The following ZBTB16 variants were observed in gnomAD, a reference collection of about 807,000 sequenced individuals.
ZBTB16 encodes zinc finger and BTB domain-containing protein 16.
A neutral mutation model predicts 56.8 loss-of-function variants in ZBTB16; 8 were observed. The observed-to-expected ratio is 0.14, with a 90% CI of 0.08 to 0.25. The LOEUF is 0.25. Among genes scored for constraint, ZBTB16 ranks in the 10% least tolerant of loss-of-function variants. The probability of loss-of-function intolerance (pLI) is 1.00; values close to 1 mark genes in which losing one functional copy is unlikely to be tolerated. For synonymous variants in ZBTB16, 363 were observed against 368.5 expected, an observed-to-expected ratio of 0.98 and a Z score of 0.17; for missense variants, 625 against 903.0, an observed-to-expected ratio of 0.69 and a Z score of 3.95.
intron 2 of ZBTB16, among the ~76,000 whole-genome samples, chr11:114,097,007 A>G (rs1005575938): frequency 6.6e-6 from 1 of 152,242 alleles, no homozygotes; most frequent in Non-Finnish European, 1.5e-5. Flanking sequence ...CCATGTTCAT[A>G]GCAGCATTAG....
intron 2 of ZBTB16, among the ~76,000 whole-genome samples, chr11:114,091,262 T>C (rs1381097145): frequency 1.3e-5 from 2 of 152,116 alleles, no homozygotes; most frequent in East Asian, 3.9e-4. Flanking sequence ...GCACGAGAAG[T>C]GCTTGAACCT....
intron 4 of ZBTB16, among the ~76,000 whole-genome samples, chr11:114,192,775 T>A (rs1035803927): frequency 3.3e-5 from 5 of 152,224 alleles, no homozygotes; most frequent in African/African-American, 1.2e-4. Context: ...CCAGCCATTT[T>A]CTTATTGCTA....
At chr11:114,155,982 G>A (rs1942398281) in intron 2 of ZBTB16, among the ~76,000 whole-genome samples, 1 of 152,270 alleles carries the variant, frequency 6.6e-6, no homozygotes, top group East Asian at 1.9e-4. Flanking sequence ...AGAGGCTGTG[G>A]GCCTCCTGTG....
intron 3 of ZBTB16, among the ~76,000 whole-genome samples, chr11:114,177,376 G>A (rs548130917): frequency 6.6e-6 from 1 of 152,192 alleles, no homozygotes; most frequent in African/African-American, 2.4e-5. Context: ...CCAGGCTCCC[G>A]AGTAGCTGGG....
At chr11:114,122,983 T>G (rs1023567844) in intron 2 of ZBTB16, among the ~76,000 whole-genome samples, 5 of 152,146 alleles carry the variant, frequency 3.3e-5, no homozygotes, top group Non-Finnish European at 7.3e-5. Context: ...AAGATTAAAG[T>G]GGTAGCAGAT....
In ZBTB16 at chr11:114,251,700, C is replaced by T. The variant is rs1448622165; in HGVS notation, c.*1145C>T. On this transcript the variant is annotated 3_prime_UTR_variant, in exon 7 of 7. Transcript: ENST00000335953. The stretch of plus-strand genomic sequence containing the variant: ...AAGAAAAGCCAGGTCCAGAGAGAGT[C>T]GCACAGAATTCCTGACTCACAGCGC... 2.0e-5 allele frequency among the ~76,000 whole-genome samples: 3 copies of T among 152,144 alleles called. No homozygotes were observed. Among genetic ancestry groups the T allele is most frequent in the Admixed American group, 1.3e-4 (2 of 15,270 alleles).
chr11:114,148,431 C>CTGTCTGTCTG (rs1942185226), intron 2 of ZBTB16, among the ~76,000 whole-genome samples: 1 of 69,858 alleles, frequency 1.4e-5, no homozygotes, highest in African/African-American at 6.3e-5. Context: ...CTCCCTCTCT[C>CTGTCTGTCTG]TCTCTTTCTC....
chr11:114,201,644 G>T (rs530483681), intron 4 of ZBTB16, among the ~76,000 whole-genome samples: 11 of 152,292 alleles, frequency 7.2e-5, no homozygotes, highest in Admixed American at 2.0e-4. Flanking sequence ...GGTATGGAAA[G>T]ATGTCCATGA....
intron 4 of ZBTB16, chr11:114,189,324 A>T (rs1943437352): frequency 6.6e-6 from 1 of 152,250 alleles, no homozygotes; most frequent in Non-Finnish European, 1.5e-5. Flanking sequence ...GCACATGAAA[A>T]AGATGCTCAA....
At position 114,255,243 on chromosome 11, in the gene ZBTB16, C is replaced by A. The variant is rs989763923; in HGVS notation, c.*4688C>A. On this transcript the variant is annotated 3_prime_UTR_variant, in exon 7 of 7. Transcript: ENST00000335953. ...TTTGTTTTTGTGGCTTGTCTTATGTCGTGATAGCACAAGTGCCAGTCGGAT... is the reference window on the plus strand; with the variant it reads ...TTTGTTTTTGTGGCTTGTCTTATGTAGTGATAGCACAAGTGCCAGTCGGAT... Among the ~76,000 whole-genome samples the A allele has an allele frequency of 2.0e-5, 3 of 152,054 alleles. No individual in the cohort carries two copies. Among genetic ancestry groups the A allele is most frequent in the Non-Finnish European group, 4.4e-5 (3 of 68,022 alleles).
intron 2 of ZBTB16, among the ~76,000 whole-genome samples, chr11:114,095,626 C>T (rs1348368864): frequency 6.6e-6 from 1 of 152,156 alleles, no homozygotes; most frequent in Non-Finnish European, 1.5e-5. Context: ...AGAATTGGGA[C>T]CTTTGCAAGA....
chr11:114,162,547 G>A (rs965339656), intron 3 of ZBTB16, among the ~76,000 whole-genome samples: 6 of 152,182 alleles, frequency 3.9e-5, no homozygotes, highest in Admixed American at 3.9e-4. Context: ...ACTTGGGGCT[G>A]CCCAGGCTTG....
chr11:114,213,439 A>T (rs1006943265), intron 4 of ZBTB16, among the ~76,000 whole-genome samples: 1 of 152,158 alleles, frequency 6.6e-6, no homozygotes, highest in African/African-American at 2.4e-5. Context: ...CTCCATTCCC[A>T]TTCACATTAA....
At chr11:114,201,571 A>C (rs771950359) in intron 4 of ZBTB16, among the ~76,000 whole-genome samples, 54 of 152,218 alleles carry the variant, frequency 3.5e-4, no homozygotes, top group Non-Finnish European at 5.4e-4. Context: ...TTGCAACACT[A>C]TTTGTAATTG....
chr11:114,196,854 C>A (rs981328373), intron 4 of ZBTB16, among the ~76,000 whole-genome samples: 10 of 152,106 alleles, frequency 6.6e-5, no homozygotes, highest in African/African-American at 1.9e-4. Context: ...AAAATATAGA[C>A]CTTTTTTCCT....
At chr11:114,170,754 T>C (rs546568092) in intron 3 of ZBTB16, among the ~76,000 whole-genome samples, 4 of 152,350 alleles carry the variant, frequency 2.6e-5, no homozygotes, top group African/African-American at 9.6e-5. Flanking sequence ...AGGGAGCTCA[T>C]TGGCGGCTGC....
chr11:114,161,289 G>A (rs57023370), intron 3 of ZBTB16, among the ~76,000 whole-genome samples: 14,461 of 152,096 alleles, frequency 0.095, 1,203 homozygotes, highest in African/African-American at 0.22. Flanking sequence ...GGCTGCATAC[G>A]ATTAGGGTTT....
At position 114,250,278 on chromosome 11, in the gene ZBTB16, G is replaced by A. The variant is rs1283251120; in HGVS notation, c.1793-48G>A. On this transcript the variant is annotated intron_variant, in intron 6 of 6. Transcript: ENST00000335953. The surrounding 1 kb of genome is among the most constrained non-coding windows in gnomAD (Gnocchi z 6.0). ...CTGAGGGTGACATGGTGCCCTCACC[G>A]CCTTCTGTCTGTCCTCACTTTCTCC... 11 of 1,595,018 alleles carry A rather than the reference G, an allele frequency of 6.9e-6. No individual in the cohort carries two copies. Among genetic ancestry groups the A allele is most frequent in the African/African-American group, 1.3e-5 (1 of 74,722 alleles).
intron 2 of ZBTB16, among the ~76,000 whole-genome samples, chr11:114,123,580 T>A (rs1490262493): frequency 1.3e-5 from 2 of 152,188 alleles, no homozygotes; most frequent in South Asian, 2.1e-4. Flanking sequence ...AAAGGAATGT[T>A]TGAGGGTGGC....
Sources: allele counts gnomAD v4.1 joint callset (sites outside exome capture counted in the v4.1 genomes callset), GRCh38; gene constraint gnomAD v4.1.1; non-coding constraint Gnocchi (gnomAD v3.1); transcripts MANE v1.5; gene names NCBI Gene and HGNC (gene_info 2026-07-23, HGNC 2026-07-21).